Variants in KCNMB4 observed in about 807,000 individuals in gnomAD.
KCNMB4 encodes the protein calcium-activated potassium channel subunit beta-4.
Under a neutral mutation model 20.7 loss-of-function variants are expected in KCNMB4, and 3 were observed. The observed-to-expected ratio is 0.14, with a 90% CI of 0.07 to 0.37. The LOEUF is 0.37. Among genes scored for constraint, KCNMB4 ranks in the 10% least tolerant of loss-of-function variants. The pLI is 1.00. For synonymous variants in KCNMB4, 110 were observed against 113.4 expected, an observed-to-expected ratio of 0.97 and a Z score of 0.19; for missense variants, 168 against 265.9, an observed-to-expected ratio of 0.63 and a Z score of 2.56.
intron 2 of KCNMB4, among the ~76,000 whole-genome samples, chr12:70,428,193 T>C (rs1337784277): frequency 1.3e-5 from 2 of 152,094 alleles, no homozygotes; most frequent in African/African-American, 4.8e-5. Flanking sequence ...AGGGTTTCGC[T>C]ATGTTGCCCA....
At chr12:70,402,831 A>G (rs758160066) in intron 2 of KCNMB4, among the ~76,000 whole-genome samples, 4 of 152,186 alleles carry the variant, frequency 2.6e-5, no homozygotes, top group Non-Finnish European at 5.9e-5. Flanking sequence ...TAGTTGCTTC[A>G]GTTCCAGATG....
chr12:70,402,325 T>C (rs1469857360), intron 2 of KCNMB4, among the ~76,000 whole-genome samples: 1 of 151,790 alleles, frequency 6.6e-6, no homozygotes, highest in African/African-American at 2.4e-5. Flanking sequence ...ATAAAGAAAT[T>C]AGGAAATGTA....
At position 70,432,099 on chromosome 12, in the gene KCNMB4, G is replaced by A. The variant is rs1448924036; in HGVS notation, c.*1446G>A. 1.4e-5 allele frequency: 2 copies of A among 146,928 alleles called. No individual in the cohort carries two copies. Among genetic ancestry groups the A allele is most frequent in the Non-Finnish European group, 3.0e-5 (2 of 67,504 alleles). 9.1% of individuals were successfully genotyped at this position (146,928 alleles called of 1,614,324 possible). On this transcript the variant is annotated 3_prime_UTR_variant, in exon 3 of 3. Coordinates refer to ENST00000258111, the MANE Select transcript of KCNMB4 (RefSeq NM_014505.6). ...GGCTGGAGTGCAGTGGCACGATCTC[G>A]GCTCACTACAGTCTCCACCTCCTGG...
Position 70,412,610 on chromosome 12 carries a change from A to G in KCNMB4, c.464+12274A>G, listed in dbSNP as rs555918521. 2.6e-5 allele frequency among the ~76,000 whole-genome samples: 4 copies of G among 152,342 alleles called. No homozygotes were observed. The South Asian group carries it at 8.3e-4, about 32-fold the overall frequency. On this transcript the variant is annotated intron_variant, in intron 2 of 2. Transcript: ENST00000258111. ...TTATTTTAATATATTTATATGTTGA[A>G]TTTAATTGTACCATTGGCTTCTAAG...
chr12:70,417,588 CTG>C (rs1007193208), intron 2 of KCNMB4, among the ~76,000 whole-genome samples: 1 of 152,206 alleles, frequency 6.6e-6, no homozygotes, highest in African/African-American at 2.4e-5. Context: ...TTGGCACAGT[CTG>C]TAAAAACACA....
Position 70,431,981 on chromosome 12 carries a change from G to A in KCNMB4, c.*1328G>A, listed in dbSNP as rs1869377637. The A allele has an allele frequency of 6.6e-6, 1 of 151,890 alleles. No homozygotes were observed. The highest frequency in any genetic ancestry group is 6.6e-5 in the Admixed American group (1 of 15,252). 9.4% of individuals were successfully genotyped at this position (151,890 alleles called of 1,614,324 possible). ...CATGGAGCTGTAATATGTATATATG[G>A]AGTGATGGTTTCCTGACCTTTAGTC... On this transcript the variant is annotated 3_prime_UTR_variant, in exon 3 of 3. Transcript: ENST00000258111.
intron 1 of KCNMB4, among the ~76,000 whole-genome samples, chr12:70,382,452 A>G (rs1338159879): frequency 6.6e-6 from 1 of 151,394 alleles, no homozygotes; most frequent in Non-Finnish European, 1.5e-5. Flanking sequence ...AAAAAAAAAA[A>G]AAAAATTTAA....
chr12:70,424,962 G>C (rs1159032071), intron 2 of KCNMB4, among the ~76,000 whole-genome samples: 1 of 152,208 alleles, frequency 6.6e-6, no homozygotes, highest in Non-Finnish European at 1.5e-5. Flanking sequence ...GATCAGCTCA[G>C]TTATGCCAAA....
chr12:70,383,152 C>A (rs1177641207), intron 1 of KCNMB4, among the ~76,000 whole-genome samples: 1 of 152,186 alleles, frequency 6.6e-6, no homozygotes, highest in African/African-American at 2.4e-5. Context: ...CAGGACTGTA[C>A]TAATCAGATC....
intron 1 of KCNMB4, among the ~76,000 whole-genome samples, chr12:70,381,332 T>A (rs957698929): frequency 2.6e-5 from 4 of 152,184 alleles, no homozygotes; most frequent in African/African-American, 9.7e-5. Flanking sequence ...TGACAGTTCC[T>A]CAAAACGCTA....
chr12:70,378,586 G>A (rs561099585), intron 1 of KCNMB4, among the ~76,000 whole-genome samples: 6 of 152,120 alleles, frequency 3.9e-5, no homozygotes, highest in Admixed American at 1.3e-4. Flanking sequence ...ACCCAGGCTC[G>A]AGTACAATGG....
At chr12:70,423,575 C>G (rs1444321771) in intron 2 of KCNMB4, among the ~76,000 whole-genome samples, 1 of 152,022 alleles carries the variant, frequency 6.6e-6, no homozygotes, top group African/African-American at 2.4e-5. Context: ...ACCTCCTAGG[C>G]TCAAGCGATA....
rs1441684630 is a variant in KCNMB4 at position 70,430,975 on chromosome 12, T to A, written c.*322T>A. On this transcript the variant is annotated 3_prime_UTR_variant, in exon 3 of 3. Transcript: ENST00000258111. ...GTACAGTGTAGTATACAAACCATTATGATTTATGCTACTTAAAAATATTAA... is the reference window on the plus strand; with the variant it reads ...GTACAGTGTAGTATACAAACCATTAAGATTTATGCTACTTAAAAATATTAA... 1 of 176,454 alleles carries A rather than the reference T, an allele frequency of 5.7e-6. No homozygotes were observed. Among genetic ancestry groups the A allele is most frequent in the East Asian group, 1.5e-4 (1 of 6,798 alleles). 10.9% of individuals were successfully genotyped at this position (176,454 alleles called of 1,614,324 possible).
At chr12:70,421,051 CAAAA>C (rs5798982) in intron 2 of KCNMB4, among the ~76,000 whole-genome samples, 3 of 119,872 alleles carry the variant, frequency 2.5e-5, no homozygotes, top group Non-Finnish European at 3.6e-5. Flanking sequence ...GACTCCGTCT[CAAAA>C]AAAAAAAAAA....
intron 1 of KCNMB4, among the ~76,000 whole-genome samples, chr12:70,395,181 A>G (rs2136126980): frequency 6.6e-6 from 1 of 151,324 alleles, no homozygotes; most frequent in Middle Eastern, 3.4e-3. Flanking sequence ...AACCAAATTT[A>G]TTTGGAAATC....
intron 1 of KCNMB4, among the ~76,000 whole-genome samples, chr12:70,397,982 T>C (rs538461494): frequency 6.6e-6 from 1 of 152,270 alleles, no homozygotes; most frequent in East Asian, 1.9e-4. Flanking sequence ...ATAAACTAAT[T>C]GACTATAATG....
At position 70,400,436 on chromosome 12, in the gene KCNMB4, T is replaced by G; in HGVS notation, c.464+100T>G. On this transcript the variant is annotated intron_variant, in intron 2 of 2. Coordinates refer to ENST00000258111, the MANE Select transcript of KCNMB4 (RefSeq NM_014505.6). The stretch of plus-strand genomic sequence containing the variant: ...TTATGCCCACTTGACAGCATGGAGA[T>G]AGCCTCAACTCTTCTTTGCGTGTAA... 4.2e-6 allele frequency: 5 copies of G among 1,200,774 alleles called. No homozygotes were observed. The South Asian group carries it at 8.7e-5, about 21-fold the overall frequency. 74.4% of individuals were successfully genotyped at this position (1,200,774 alleles called of 1,614,324 possible).
In KCNMB4 at chr12:70,416,290, T is replaced by C. The variant is rs1593344783; in HGVS notation, c.465-14195T>C. Among the ~76,000 whole-genome samples the C allele has an allele frequency of 1.3e-5, 2 of 152,348 alleles. 1 individual carries two copies. ...GAAGGAGGGGCACCTATCTGGGACA[T>C]TAATGCTAGTATCAAGGTGAAAGAG... On this transcript the variant is annotated intron_variant, in intron 2 of 2. Transcript: ENST00000258111.
At chr12:70,425,450 A>G (rs996300898) in intron 2 of KCNMB4, among the ~76,000 whole-genome samples, 1 of 152,060 alleles carries the variant, frequency 6.6e-6, no homozygotes, top group Admixed American at 6.5e-5. Flanking sequence ...AAAAACAAAA[A>G]CAAAACAAAA....
Sources: allele counts gnomAD v4.1 joint callset (sites outside exome capture counted in the v4.1 genomes callset), GRCh38; gene constraint gnomAD v4.1.1; transcripts MANE v1.5; gene names NCBI Gene and HGNC (gene_info 2026-07-23, HGNC 2026-07-21).